Variants in GALNT15 observed in about 807,000 individuals in gnomAD.
GALNT15 encodes the protein UDP-GalNAc transferase T15.
In GALNT15, 67 loss-of-function variants were observed where a neutral mutation model predicts 66.8. That is an observed-to-expected ratio of 1.00 (90% CI 0.82 to 1.23). The LOEUF is 1.23. Ranked by LOEUF, GALNT15 falls within the 50% of genes most tolerant of loss-of-function variation. GALNT15 has a pLI of 0.00. For synonymous variants in GALNT15, 313 were observed against 311.5 expected (o/e 1.00, Z -0.05); for missense variants, 827 against 804.3 (o/e 1.03, Z -0.34).
rs960641847 is a variant in GALNT15, at chr3:16,229,191, C to T, written c.*1691C>T. 20 of 985,102 alleles carry T rather than the reference C, an allele frequency of 2.0e-5. No individual in the cohort carries two copies. Among genetic ancestry groups the T allele is most frequent in the Middle Eastern group, 5.2e-4 (1 of 1,934 alleles). The allele number at this position is 985,102 out of a possible 1,614,324, so 61.0% of individuals were successfully genotyped here. A position where few individuals can be genotyped will look rare whatever the true frequency, so the allele number is the denominator to read the frequency against. On this transcript the variant is annotated 3_prime_UTR_variant, in exon 10 of 10. Transcript: ENST00000339732. ...TGCAGTGTTTCCAAACAATACCTATCATAACTACGTATTCATTGTCTACCT... is the reference window on the plus strand; with the variant it reads ...TGCAGTGTTTCCAAACAATACCTATTATAACTACGTATTCATTGTCTACCT...
rs1419457568 is a variant in GALNT15 at position 16,191,507 on chromosome 3, G to C, written c.540-4253G>C. ...ACCCAGAAGCTAAGCAACTTTCCCA[G>C]GGTCATCTCCGCAGCTAGGAAGTGG... On this transcript the variant is annotated intron_variant, in intron 1 of 9. Transcript: ENST00000339732. The surrounding 1 kb of genome is among the most constrained non-coding windows in gnomAD (Gnocchi z 5.2). 5.5e-6 allele frequency: 1 copy of C among 180,348 alleles called. No homozygotes were observed. The highest frequency in any genetic ancestry group is 2.4e-5 in the African/African-American group (1 of 41,942). The allele number at this position is 180,348 out of a possible 1,614,324, so 11.2% of individuals were successfully genotyped here.
In GALNT15 at chr3:16,193,113, G is replaced by C. The variant is rs907767445; in HGVS notation, c.540-2647G>C. 3.3e-5 allele frequency among the ~76,000 whole-genome samples: 5 copies of C among 152,184 alleles called. No individual in the cohort carries two copies. Among genetic ancestry groups the C allele is most frequent in the Non-Finnish European group, 5.9e-5 (4 of 68,032 alleles). On this transcript the variant is annotated intron_variant, in intron 1 of 9. Transcript: ENST00000339732. The surrounding 1 kb of genome is among the most constrained non-coding windows in gnomAD (Gnocchi z 4.7). ...GTCTTAAACGATTTCAAAATAAAAAGTGGTAAAGTGGGAATTGAAAGAAAA... is the reference window on the plus strand; with the variant it reads ...GTCTTAAACGATTTCAAAATAAAAACTGGTAAAGTGGGAATTGAAAGAAAA...
At chr3:16,218,707 C>A (rs911445676) in intron 6 of GALNT15, among the ~76,000 whole-genome samples, 2 of 151,836 alleles carry the variant, frequency 1.3e-5, no homozygotes, top group African/African-American at 2.4e-5. Flanking sequence ...TGAGGCCCCT[C>A]GTAGTTTCTC....
At chr3:16,234,841 G>T (rs573361485), downstream of GALNT15, among the ~76,000 whole-genome samples, 36 of 151,670 alleles carry the variant, frequency 2.4e-4, no homozygotes, top group East Asian at 3.9e-3. Context: ...AAACTGCAAG[G>T]CCACAGTATG....
At position 16,229,506 on chromosome 3, in the gene GALNT15, C is replaced by G; in HGVS notation, c.*2006C>G. 1 of 984,746 alleles carries G rather than the reference C, an allele frequency of 1.0e-6. No homozygotes were observed. The highest frequency in any genetic ancestry group is 1.2e-6 in the Non-Finnish European group (1 of 829,346). 61.0% of individuals were successfully genotyped at this position (984,746 alleles called of 1,614,324 possible). The stretch of plus-strand genomic sequence containing the variant: ...TTCATTATCCCATCTAGAGAAGAGA[C>G]TTTAGTCACTGTCTTCTTGCTTCAG... On this transcript the variant is annotated 3_prime_UTR_variant, in exon 10 of 10. Transcript: ENST00000339732.
downstream of GALNT15, among the ~76,000 whole-genome samples, chr3:16,231,115 G>C (rs751162050): frequency 2.9e-4 from 40 of 138,410 alleles, no homozygotes; most frequent in Non-Finnish European, 5.4e-4. The surrounding 1 kb of genome is among the most constrained non-coding windows in gnomAD (Gnocchi z 4.1). Flanking sequence ...GACATAGGGA[G>C]GGGAACATCA....
chr3:16,207,011 G>A (rs1406218237), intron 3 of GALNT15, among the ~76,000 whole-genome samples: 1 of 152,176 alleles, frequency 6.6e-6, no homozygotes, highest in Non-Finnish European at 1.5e-5. Context: ...CCCCAAAATA[G>A]GGGAAACCCA....
Position 16,211,015 on chromosome 3 carries a change from C to A in GALNT15, c.1080-109C>A. 1 of 745,980 alleles carries A rather than the reference C, an allele frequency of 1.3e-6. No homozygotes were observed. Among genetic ancestry groups the A allele is most frequent in the Non-Finnish European group, 2.4e-6 (1 of 420,996 alleles). The allele number at this position is 745,980 out of a possible 1,614,324, so 46.2% of individuals were successfully genotyped here. A position where few individuals can be genotyped will look rare whatever the true frequency, so the allele number is the denominator to read the frequency against. On this transcript the variant is annotated intron_variant, in intron 4 of 9. Coordinates refer to ENST00000339732, the MANE Select transcript of GALNT15 (RefSeq NM_054110.5). The surrounding 1 kb of genome is among the most constrained non-coding windows in gnomAD (Gnocchi z 4.3). Reference sequence around the variant, plus strand: ...AATTGCATTTTACCTGAGCCTAAAGCCTGTTCTCTCAGCCACTGGAGCTCC... The same window carrying A: ...AATTGCATTTTACCTGAGCCTAAAGACTGTTCTCTCAGCCACTGGAGCTCC...
rs1383429942 is a variant in GALNT15 at position 16,181,914 on chromosome 3, T to C, written c.539+6224T>C. On this transcript the variant is annotated intron_variant, in intron 1 of 9. Transcript: ENST00000339732. This position sits in a 1 kb window ranked among gnomAD's most constrained non-coding sequence, Gnocchi z 5.9. ...TGGCCGCAGCAGAGGCAGTACCTCC[T>C]CTGGACCTCCACTCTGGATCCATCA... Among the ~76,000 whole-genome samples, 1 of 152,096 alleles carries C rather than the reference T, an allele frequency of 6.6e-6. No individual in the cohort carries two copies. Among genetic ancestry groups the C allele is most frequent in the African/African-American group, 2.4e-5 (1 of 41,400 alleles).
the GALNT15 span, among the ~76,000 whole-genome samples, chr3:16,239,568 G>A: frequency 5.2e-4 from 79 of 152,302 alleles, no homozygotes; most frequent in African/African-American, 1.9e-3. The surrounding 1 kb of genome is among the most constrained non-coding windows in gnomAD (Gnocchi z 5.2). Flanking sequence ...TGGGATATGA[G>A]GAAAGTGCCT....
intron 6 of GALNT15, among the ~76,000 whole-genome samples, chr3:16,215,052 T>A (rs1343615683): frequency 6.6e-6 from 1 of 152,228 alleles, no homozygotes; most frequent in African/African-American, 2.4e-5. Flanking sequence ...AAAGAAGTGT[T>A]AAATGTTGCA....
At position 16,219,876 on chromosome 3, in the gene GALNT15, T is replaced by C; in HGVS notation, c.1525-34T>C. ...CCGAGGGTGTCTTTACAGTGGAATCTGGAATTCACTCCTGTGTGTGTGTCC... is the reference window on the plus strand; with the variant it reads ...CCGAGGGTGTCTTTACAGTGGAATCCGGAATTCACTCCTGTGTGTGTGTCC... On this transcript the variant is annotated intron_variant, in intron 7 of 9. Coordinates refer to ENST00000339732, the MANE Select transcript of GALNT15 (RefSeq NM_054110.5). The surrounding 1 kb of genome is among the most constrained non-coding windows in gnomAD (Gnocchi z 4.3). The C allele has an allele frequency of 6.5e-7, 1 of 1,545,342 alleles. No individual in the cohort carries two copies. Among genetic ancestry groups the C allele is most frequent in the Non-Finnish European group, 8.9e-7 (1 of 1,117,820 alleles).
chr3:16,241,588 G>T, the GALNT15 span, among the ~76,000 whole-genome samples: 1 of 151,858 alleles, frequency 6.6e-6, no homozygotes, highest in African/African-American at 2.4e-5. This position sits in a 1 kb window ranked among gnomAD's most constrained non-coding sequence, Gnocchi z 4.6. Flanking sequence ...TCATTCTGTT[G>T]CCCAGGCTGG....
rs2063721933 is a variant in GALNT15 at position 16,203,387 on chromosome 3, C to T, written c.911+2564C>T. Among the ~76,000 whole-genome samples, 1 of 152,034 alleles carries T rather than the reference C, an allele frequency of 6.6e-6. No homozygotes were observed. On this transcript the variant is annotated intron_variant, in intron 3 of 9. Transcript: ENST00000339732. This position sits in a 1 kb window ranked among gnomAD's most constrained non-coding sequence, Gnocchi z 6.2. ...TAGGCTAGAAAGAAAATGAGGCTCCCTGGGAAGCCCTTTGTGATTAAGAGA... is the reference window on the plus strand; with the variant it reads ...TAGGCTAGAAAGAAAATGAGGCTCCTTGGGAAGCCCTTTGTGATTAAGAGA...
In GALNT15 at chr3:16,186,149, C is replaced by T. The variant is rs1474353440; in HGVS notation, c.540-9611C>T. On this transcript the variant is annotated intron_variant, in intron 1 of 9. Transcript: ENST00000339732. The surrounding 1 kb of genome is among the most constrained non-coding windows in gnomAD (Gnocchi z 5.1). ...AAAATGGGCAAAGGATTTGAATAGA[C>T]ATTTCTTCAAAGAAGACATAAAAAT... Among the ~76,000 whole-genome samples, 1 of 152,136 alleles carries T rather than the reference C, an allele frequency of 6.6e-6. No homozygotes were observed.
Position 16,229,558 on chromosome 3 carries a change from C to T in GALNT15, c.*2058C>T. The T allele has an allele frequency of 2.0e-6, 2 of 985,162 alleles. No individual in the cohort carries two copies. The highest frequency in any genetic ancestry group is 2.4e-6 in the Non-Finnish European group (2 of 829,738). The allele number at this position is 985,162 out of a possible 1,614,324, so 61.0% of individuals were successfully genotyped here. ...CCCATCTATATTTAAAACAAATTTCCCTAAATCCTGAGACTGAGACGGAGC... is the reference window on the plus strand; with the variant it reads ...CCCATCTATATTTAAAACAAATTTCTCTAAATCCTGAGACTGAGACGGAGC... On this transcript the variant is annotated 3_prime_UTR_variant, in exon 10 of 10. Coordinates refer to ENST00000339732, the MANE Select transcript of GALNT15 (RefSeq NM_054110.5).
At chr3:16,196,016 T>C in intron 2 of GALNT15, 90 bp downstream of exon 2, 1 of 1,360,700 alleles carries the variant, frequency 7.3e-7, no homozygotes, top group South Asian at 1.3e-5. Context: ...TTTGGAACTA[T>C]TTTAGGCAAG....
intron 5 of GALNT15, among the ~76,000 whole-genome samples, chr3:16,212,361 T>C (rs1000344108): frequency 6.6e-6 from 1 of 152,116 alleles, no homozygotes; most frequent in Non-Finnish European, 1.5e-5. Flanking sequence ...TTGGGACAAC[T>C]ACCTCTATTC....
chr3:16,232,491 T>TATATATATATAC (rs2064093851), downstream of GALNT15, among the ~76,000 whole-genome samples: 1 of 82,376 alleles, frequency 1.2e-5, no homozygotes, highest in Non-Finnish European at 2.4e-5. Context: ...TATATATATA[T>TATATATATATAC]ATATATATAT....
Sources: gnomAD v4.1 joint callset for allele counts (sites outside exome capture counted in the v4.1 genomes callset) on GRCh38, gnomAD v4.1.1 for gene constraint, Gnocchi (gnomAD v3.1) non-coding constraint, MANE v1.5 for transcripts, NCBI Gene and HGNC (gene_info 2026-07-23, HGNC 2026-07-21) for gene names.